TMEM132B: variants seen among roughly 807,000 people sequenced by gnomAD.
TMEM132B encodes transmembrane protein 132B.
A neutral mutation model predicts 90.8 loss-of-function variants in TMEM132B; 18 were observed. That is an observed-to-expected ratio of 0.20 (90% CI 0.14 to 0.29). The LOEUF (loss-of-function observed/expected upper bound fraction) is 0.29. Among genes scored for constraint, TMEM132B ranks in the 10% least tolerant of loss-of-function variants. The pLI, the probability that TMEM132B is intolerant of heterozygous loss-of-function variation, is 1.00. For synonymous variants in TMEM132B, 504 were observed against 523.3 expected, an observed-to-expected ratio of 0.96 and a Z score of 0.50; for missense variants, 1,096 against 1,326.8, an observed-to-expected ratio of 0.83 and a Z score of 2.70.
intron 3 of TMEM132B, among the ~76,000 whole-genome samples, chr12:125,475,265 A>G (rs1881845749): frequency 6.6e-6 from 1 of 152,226 alleles, no homozygotes; most frequent in Non-Finnish European, 1.5e-5. Flanking sequence ...TATTGTCAAC[A>G]TTATTATAAT....
intron 4 of TMEM132B, among the ~76,000 whole-genome samples, chr12:125,553,431 G>T (rs1185195723): frequency 6.6e-6 from 1 of 152,236 alleles, no homozygotes; most frequent in Admixed American, 6.5e-5. Flanking sequence ...GTTGTGGCAA[G>T]TGCGCTACCA....
intron 1 of TMEM132B, among the ~76,000 whole-genome samples, chr12:125,197,423 G>A (rs1267472539): frequency 1.3e-5 from 2 of 152,150 alleles, no homozygotes; most frequent in East Asian, 1.9e-4. Flanking sequence ...AGGCGGCCTC[G>A]GCTCCTGACT....
chr12:125,310,115 T>C (rs1876088698), intron 1 of TMEM132B, among the ~76,000 whole-genome samples: 1 of 152,154 alleles, frequency 6.6e-6, no homozygotes, highest in Admixed American at 6.5e-5. Flanking sequence ...ACAAGGCCCA[T>C]GGAGTCCCTT....
At chr12:125,513,214 A>ATTCC (rs199810381) in intron 3 of TMEM132B, among the ~76,000 whole-genome samples, 2,926 of 152,240 alleles carry the variant, frequency 0.019, 105 homozygotes, top group African/African-American at 0.067. Flanking sequence ...AACACTCTTC[A>ATTCC]TTCATTCATT....
chr12:125,423,415 G>T (rs1374481481), intron 3 of TMEM132B, among the ~76,000 whole-genome samples: 2 of 152,086 alleles, frequency 1.3e-5, no homozygotes, highest in African/African-American at 4.8e-5. Flanking sequence ...GAGGAGGGAG[G>T]TTTGTTTTTG....
At chr12:125,350,859 A>T (rs1014012601) in intron 2 of TMEM132B, among the ~76,000 whole-genome samples, 41 of 152,204 alleles carry the variant, frequency 2.7e-4, no homozygotes, top group African/African-American at 6.0e-4. Context: ...TCAGGGGCGT[A>T]TCATCAGGTG....
intron 1 of TMEM132B, among the ~76,000 whole-genome samples, chr12:125,271,107 T>C (rs1173311610): frequency 6.6e-6 from 1 of 152,128 alleles, no homozygotes; most frequent in Non-Finnish European, 1.5e-5. Flanking sequence ...TGCACCACCA[T>C]GTACCATACC....
In TMEM132B at chr12:125,575,078, A is replaced by ATATATATATATATATATT. The variant is rs1311570495; in HGVS notation, c.1294-8768_1294-8767insATATATATATATTTATAT. Among the ~76,000 whole-genome samples the ATATATATATATATATATT allele has an allele frequency of 2.7e-3, 294 of 108,936 alleles. 12 individuals are homozygous for ATATATATATATATATATT. Among genetic ancestry groups the ATATATATATATATATATT allele is most frequent in the African/African-American group, 9.6e-3 (284 of 29,720 alleles). 71.5% of individuals were successfully genotyped at this position (108,936 alleles called of 152,430 possible). A position where few individuals can be genotyped will look rare whatever the true frequency, so the allele number is the denominator to read the frequency against. On this transcript the variant is annotated intron_variant, in intron 4 of 8. Coordinates refer to ENST00000682704, the MANE Select transcript of TMEM132B (RefSeq NM_001366854.1). ...CTGTCATATATATATATATATATAT[A>ATATATATATATATATATT]TATATTCAGGAGTAGAATTGCTAGG...
chr12:125,605,424 G>T (rs1593017896), intron 5 of TMEM132B, among the ~76,000 whole-genome samples: 1 of 152,164 alleles, frequency 6.6e-6, no homozygotes, highest in East Asian at 1.9e-4. Context: ...GTGCATGGAA[G>T]AGCAGAATTA....
At chr12:125,249,471 G>T (rs1874271391) in intron 1 of TMEM132B, among the ~76,000 whole-genome samples, 1 of 152,150 alleles carries the variant, frequency 6.6e-6, no homozygotes, top group Non-Finnish European at 1.5e-5. Context: ...TCTATTAGTA[G>T]TGATTAGTTT....
At chr12:125,497,211 T>C (rs1239167841) in intron 3 of TMEM132B, among the ~76,000 whole-genome samples, 1 of 152,252 alleles carries the variant, frequency 6.6e-6, no homozygotes, top group African/African-American at 2.4e-5. Flanking sequence ...AGCAGTACTT[T>C]AAGTGTCTAG....
At chr12:125,451,609 G>C (rs1881152427) in intron 3 of TMEM132B, among the ~76,000 whole-genome samples, 1 of 149,108 alleles carries the variant, frequency 6.7e-6, no homozygotes, top group South Asian at 2.1e-4. Context: ...TTCCCCTGTG[G>C]GTCCAGTTCT....
chr12:125,517,350 TTTTTTTTTTTTTTTTGCA>T (rs1883190932), intron 3 of TMEM132B, among the ~76,000 whole-genome samples: 1 of 100,290 alleles, frequency 1.0e-5, no homozygotes, highest in African/African-American at 5.7e-5. Flanking sequence ...TTTTTTTTTT[TTTTTTTTTTTTTTTTGCA>T]TTTTTAGTAG....
intron 1 of TMEM132B, among the ~76,000 whole-genome samples, chr12:125,263,797 G>T (rs1256513931): frequency 6.6e-6 from 1 of 152,228 alleles, no homozygotes; most frequent in Admixed American, 6.5e-5. Flanking sequence ...AGTGTCTGTG[G>T]CTGTGTTAAT....
In TMEM132B at chr12:125,644,251, G is replaced by T; in HGVS notation, c.1613G>T (p.Gly538Val). 2 of 1,614,208 alleles carry T rather than the reference G, an allele frequency of 1.2e-6. No homozygotes were observed. The highest frequency in any genetic ancestry group is 1.7e-6 in the Non-Finnish European group (2 of 1,180,052). Residue 538 changes from glycine to valine, a missense_variant, in exon 6 of 9, where the codon GGC becomes GTC. Coordinates refer to ENST00000682704, the MANE Select transcript of TMEM132B (RefSeq NM_001366854.1). ...ISDTELSQIKGWRIPVAANRR... is the reference protein window; with the variant it reads ...ISDTELSQIKVWRIPVAANRR... ...GACACCGAGCTGAGCCAGATCAAGG[G>T]CTGGAGGATCCCGGTTGCTGCCAAC...
chr12:125,290,770 G>C (rs1211137702), intron 1 of TMEM132B, among the ~76,000 whole-genome samples: 1 of 152,018 alleles, frequency 6.6e-6, no homozygotes, highest in Non-Finnish European at 1.5e-5. Context: ...GAGTGTCCTG[G>C]TACATCTCCT....
chr12:125,450,220 G>A (rs374927086), intron 3 of TMEM132B, among the ~76,000 whole-genome samples: 11 of 152,176 alleles, frequency 7.2e-5, no homozygotes, highest in African/African-American at 2.4e-4. Context: ...TAGAGAAGAA[G>A]TGATACCTTG....
intron 4 of TMEM132B, among the ~76,000 whole-genome samples, chr12:125,548,669 C>T (rs1239207979): frequency 4.6e-5 from 7 of 152,152 alleles, no homozygotes; most frequent in Non-Finnish European, 1.5e-5. Flanking sequence ...GGTAGCCTTG[C>T]AGGGCCATAG....
chr12:125,619,357 TTTATTTATTTATTTA>T (rs1566091263), intron 5 of TMEM132B, among the ~76,000 whole-genome samples: 4 of 149,346 alleles, frequency 2.7e-5, no homozygotes, highest in African/African-American at 9.9e-5. Flanking sequence ...TATTTATTTA[TTTATTTATTTATTTA>T]TTTATTTATT....
Sources: gnomAD v4.1 joint callset for allele counts (sites outside exome capture counted in the v4.1 genomes callset) on GRCh38, gnomAD v4.1.1 for gene constraint, MANE v1.5 for transcripts, NCBI Gene and HGNC (gene_info 2026-07-23, HGNC 2026-07-21) for gene names.